Variants in PARD3 observed in about 807,000 individuals in gnomAD.
PARD3 encodes par-3 family cell polarity regulator.
Under a neutral mutation model 155.4 loss-of-function variants are expected in PARD3, and 75 were observed. The ratio of observed to expected loss-of-function variants is 0.48; its 90% CI spans 0.40 to 0.58. The LOEUF (loss-of-function observed/expected upper bound fraction) is 0.58, where lower values mean the gene tolerates loss of function less well. Among genes scored for constraint, PARD3 ranks in the 20% least tolerant of loss-of-function variants. The pLI is 0.00. For missense variants in PARD3, 1,642 were observed against 1,721.7 expected (o/e 0.95, Z 0.82); for synonymous variants, 576 against 610.5 (o/e 0.94, Z 0.83).
chr10:34,687,799 C>CCCCGCCA, intron 2 of PARD3, among the ~76,000 whole-genome samples: 1 of 151,362 alleles, frequency 6.6e-6, no homozygotes, highest in Admixed American at 6.6e-5. Context: ...AAGTGTACTT[C>CCCCGCCA]CCCGCCACCT....
intron 2 of PARD3, among the ~76,000 whole-genome samples, chr10:34,684,880 C>G (rs9417135): frequency 1.2e-5 from 1 of 83,172 alleles, no homozygotes; most frequent in African/African-American, 6.5e-5. Context: ...CACACACATA[C>G]ACACACACAC....
At chr10:34,486,978 C>T (rs1367822315) in intron 3 of PARD3, among the ~76,000 whole-genome samples, 1 of 152,084 alleles carries the variant, frequency 6.6e-6, no homozygotes, top group Non-Finnish European at 1.5e-5. Flanking sequence ...CTGGCCGTCT[C>T]CAAGTCATCC....
chr10:34,261,747 A>G, intron 22 of PARD3, among the ~76,000 whole-genome samples: 2 of 129,428 alleles, frequency 1.5e-5, no homozygotes, highest in Admixed American at 7.4e-5. Context: ...AAAGGAAGAA[A>G]GGAAGGAAGA....
At chr10:34,502,271 G>T (rs2080767656) in intron 3 of PARD3, among the ~76,000 whole-genome samples, 1 of 152,204 alleles carries the variant, frequency 6.6e-6, no homozygotes, top group South Asian at 2.1e-4. Flanking sequence ...GGTCAGAACG[G>T]AAGAGTCAGA....
intron 12 of PARD3, among the ~76,000 whole-genome samples, chr10:34,361,639 AT>A (rs1839449560): frequency 6.6e-6 from 1 of 152,192 alleles, no homozygotes; most frequent in South Asian, 2.1e-4. Flanking sequence ...CTGTAAGTGA[AT>A]TTTTTAGATC....
rs539837356 is a variant in PARD3 at position 34,790,944 on chromosome 10, G to A, written c.120+23932C>T. ...CCAGCCTCCTACACGCATGCACAGGGAAGCGCATGCGTGGCACGCACATGG... is the reference window on the plus strand; with the variant it reads ...CCAGCCTCCTACACGCATGCACAGGAAAGCGCATGCGTGGCACGCACATGG... On this transcript the variant is annotated intron_variant, in intron 1 of 24. Transcript: ENST00000374788. Among the ~76,000 whole-genome samples the A allele has an allele frequency of 9.2e-5, 14 of 152,240 alleles. No individual in the cohort carries two copies. In the South Asian group the frequency reaches 2.9e-3, roughly 32 times the overall value.
chr10:34,140,634 G>T (rs1281217599), intron 22 of PARD3, among the ~76,000 whole-genome samples: 2 of 152,132 alleles, frequency 1.3e-5, no homozygotes, highest in African/African-American at 4.8e-5. Flanking sequence ...AGGGTGGGAG[G>T]GTTAAACCAA....
In PARD3 at chr10:34,460,384, C is replaced by T. The variant is rs186977494; in HGVS notation, c.582+9701G>A. On this transcript the variant is annotated intron_variant, in intron 4 of 24. Transcript: ENST00000374788. ...AAGATGCCCCAATAAAAATTAAATA[C>T]AAAAGTGCAAGTACCCAGCCAAGAG... Among the ~76,000 whole-genome samples, 156 of 152,100 alleles carry T rather than the reference C, an allele frequency of 1.0e-3. 1 individual carries two copies. The highest frequency in any genetic ancestry group is 3.6e-3 in the African/African-American group (150 of 41,496).
intron 1 of PARD3, among the ~76,000 whole-genome samples, chr10:34,776,846 G>GC (rs1554830824): frequency 8.1e-6 from 1 of 123,010 alleles, no homozygotes; most frequent in Non-Finnish European, 1.7e-5. Flanking sequence ...GGGGGGGGGG[G>GC]GCGGGTGGGG....
intron 12 of PARD3, among the ~76,000 whole-genome samples, chr10:34,368,700 A>C (rs1309471071): frequency 6.6e-6 from 1 of 152,054 alleles, no homozygotes; most frequent in Non-Finnish European, 1.5e-5. Flanking sequence ...AGGTGGGAGC[A>C]GCCCAAGTCA....
chr10:34,209,700 T>C (rs1951647151), intron 22 of PARD3, among the ~76,000 whole-genome samples: 1 of 152,208 alleles, frequency 6.6e-6, no homozygotes, highest in African/African-American at 2.4e-5. Context: ...TTCTGTGTAC[T>C]GTAATGTGGT....
intron 20 of PARD3, among the ~76,000 whole-genome samples, chr10:34,306,368 C>T (rs1359332592): frequency 3.3e-5 from 5 of 151,368 alleles, no homozygotes; most frequent in African/African-American, 4.9e-5. Context: ...AATAATAAAC[C>T]GGGCCAGGCG....
chr10:34,730,848 A>G (rs1175625240), intron 1 of PARD3, among the ~76,000 whole-genome samples: 1 of 152,242 alleles, frequency 6.6e-6, no homozygotes, highest in African/African-American at 2.4e-5. Context: ...CTGCAAAGCG[A>G]GTAGACGCTG....
At chr10:34,786,725 C>T (rs2134210998) in intron 1 of PARD3, among the ~76,000 whole-genome samples, 1 of 152,324 alleles carries the variant, frequency 6.6e-6, no homozygotes, top group South Asian at 2.1e-4. Context: ...TGTAAAAAGC[C>T]ACTTAAAATT....
intron 1 of PARD3, among the ~76,000 whole-genome samples, chr10:34,808,774 A>T (rs2134406067): frequency 6.6e-6 from 1 of 152,294 alleles, no homozygotes; most frequent in Non-Finnish European, 1.5e-5. Context: ...TCCAAGTGGG[A>T]CTTTAAATAT....
At chr10:34,668,885 T>C (rs889463379) in intron 2 of PARD3, among the ~76,000 whole-genome samples, 1 of 152,184 alleles carries the variant, frequency 6.6e-6, no homozygotes, top group Non-Finnish European at 1.5e-5. Flanking sequence ...AAAGCAAAGA[T>C]AGATTGGGTA....
chr10:34,407,541 T>C (rs915179359), intron 5 of PARD3, among the ~76,000 whole-genome samples: 43 of 152,358 alleles, frequency 2.8e-4, no homozygotes, highest in Non-Finnish European at 4.3e-4. Flanking sequence ...CAGATATTTA[T>C]AGTTTTTCAA....
intron 8 of PARD3, among the ~76,000 whole-genome samples, chr10:34,383,819 C>T (rs759097980): frequency 7.9e-5 from 12 of 151,890 alleles, no homozygotes; most frequent in Non-Finnish European, 4.4e-5. Context: ...CAAAGGTGGA[C>T]GGGTGAGTTA....
At chr10:34,398,952 A>G (rs1318780902) in intron 7 of PARD3, among the ~76,000 whole-genome samples, 1 of 152,220 alleles carries the variant, frequency 6.6e-6, no homozygotes, top group African/African-American at 2.4e-5. Context: ...AGTCATCTAG[A>G]TAATTTTTAT....
Sources: gnomAD v4.1 joint callset for allele counts (sites outside exome capture counted in the v4.1 genomes callset) on GRCh38, gnomAD v4.1.1 for gene constraint, MANE v1.5 for transcripts, NCBI Gene and HGNC (gene_info 2026-07-23, HGNC 2026-07-21) for gene names.